The following GRK7 variants were observed in gnomAD, a reference collection of about 807,000 sequenced individuals.
The protein encoded by GRK7 is rhodopsin kinase GRK7.
A neutral mutation model predicts 34.1 loss-of-function variants in GRK7; 24 were observed. The observed-to-expected ratio is 0.70, with a 90% CI of 0.51 to 0.99. The LOEUF (loss-of-function observed/expected upper bound fraction) is 0.99. Among genes scored for constraint, GRK7 ranks in the 50% least tolerant of loss-of-function variants. The pLI is 0.00. For synonymous variants in GRK7, 256 were observed against 279.4 expected, an observed-to-expected ratio of 0.92 and a Z score of 0.84; for missense variants, 644 against 707.3, an observed-to-expected ratio of 0.91 and a Z score of 1.02.
rs1192902302 is a variant in GRK7 at position 141,818,909 on chromosome 3, G to A, written c.*1859G>A. 6.6e-6 allele frequency among the ~76,000 whole-genome samples: 1 copy of A among 152,164 alleles called. No homozygotes were observed. Among genetic ancestry groups the A allele is most frequent in the Non-Finnish European group, 1.5e-5 (1 of 68,022 alleles). On this transcript the variant is annotated 3_prime_UTR_variant, in exon 6 of 6. Transcript: ENST00000682958. The stretch of plus-strand genomic sequence containing the variant: ...AAGAAGAAGCCCTCTGAGAGTTGAG[G>A]CCTCGGCCGGTGCACCTGCGGCTCA...
chr3:141,782,737 G>A (rs1045320664), intron 4 of GRK7, among the ~76,000 whole-genome samples: 2 of 151,686 alleles, frequency 1.3e-5, no homozygotes, highest in Non-Finnish European at 2.9e-5. Context: ...CCCAGGAGGC[G>A]GAGCTTGCAG....
chr3:141,763,979 T>A lies in GRK7; in HGVS notation c.-1974T>A, dbSNP rs1247149536. On this transcript the variant is annotated 5_prime_UTR_variant, in exon 1 of 6. It removes an upstream start codon present in the reference 5' UTR. Transcript: ENST00000682958. ...CCTCATCCAACTGGACCTGGCAACA[T>A]GCAAGACGTCTTCATTTCTCTTCAT... 6.6e-6 allele frequency among the ~76,000 whole-genome samples: 1 copy of A among 152,182 alleles called. No individual in the cohort carries two copies. The highest frequency in any genetic ancestry group is 1.5e-5 in the Non-Finnish European group (1 of 68,032).
rs187928240 is a variant in GRK7 at position 141,774,499 on chromosome 3, C to T, written c.-214-81C>T. ...AGACCTTCAAGAAGTTCATAGCATA[C>T]ATGTTCACCAGTGAAAGCATGTTTT... On this transcript the variant is annotated intron_variant, in intron 1 of 5. Transcript: ENST00000682958. 6.0e-3 allele frequency among the ~76,000 whole-genome samples: 917 copies of T among 152,198 alleles called. 9 individuals carry two copies. The highest frequency in any genetic ancestry group is 0.014 in the Middle Eastern group (4 of 294).
At position 141,817,872 on chromosome 3, in the gene GRK7, G is replaced by A. The variant is rs1230163417; in HGVS notation, c.*822G>A. On this transcript the variant is annotated 3_prime_UTR_variant, in exon 6 of 6. Transcript: ENST00000682958. The stretch of plus-strand genomic sequence containing the variant: ...CCACTCCCAGGTATGAGAACAGCTT[G>A]ACCATTTAGAATTTCAGAAGCTCCC... 6.6e-6 allele frequency: 1 copy of A among 152,164 alleles called. No individual in the cohort carries two copies. The highest frequency in any genetic ancestry group is 1.5e-5 in the Non-Finnish European group (1 of 68,024). 9.4% of individuals were successfully genotyped at this position (152,164 alleles called of 1,614,324 possible). A position where few individuals can be genotyped will look rare whatever the true frequency, so the allele number is the denominator to read the frequency against.
chr3:141,769,262 C>T lies in GRK7; in HGVS notation c.-215+3524C>T, dbSNP rs150322479. Reference sequence around the variant, plus strand: ...TCTCCTAAGCCTGGATTCACCCCTTCATCTCCTTCTACCTCACCCTCCATA... The same window carrying T: ...TCTCCTAAGCCTGGATTCACCCCTTTATCTCCTTCTACCTCACCCTCCATA... On this transcript the variant is annotated intron_variant, in intron 1 of 5. Transcript: ENST00000682958. Among the ~76,000 whole-genome samples, 229 of 152,278 alleles carry T rather than the reference C, an allele frequency of 1.5e-3. 1 individual carries two copies. The highest frequency in any genetic ancestry group is 5.3e-3 in the African/African-American group (221 of 41,558).
At position 141,778,680 on chromosome 3, in the gene GRK7, C is replaced by T. The variant is rs1248068785; in HGVS notation, c.396C>T (p.Thr132=). 6.2e-7 allele frequency: 1 copy of T among 1,613,680 alleles called. No individual in the cohort carries two copies. Among genetic ancestry groups the T allele is most frequent in the South Asian group, 1.1e-5 (1 of 90,946 alleles). The change falls in exon 3 of 6, where the codon ACC becomes ACT. Residue 132 remains threonine, a synonymous_variant. Transcript: ENST00000682958. The surrounding 1 kb of genome is among the most constrained non-coding windows in gnomAD (Gnocchi z 4.1). ...PQPFLSQAVA[T]KCQAATTEEE... is the part of the protein sequence containing the mutation. ...CCTTCCTCAGCCAGGCCGTGGCCAC[C>T]AAGTGCCAAGCAGCCACCACTGAGG...
chr3:141,754,972 T>TA, the GRK7 span, among the ~76,000 whole-genome samples: 3 of 152,208 alleles, frequency 2.0e-5, no homozygotes, highest in African/African-American at 7.2e-5. Flanking sequence ...GGATAGTCCT[T>TA]AAATAAAAGT....
At chr3:141,810,792 C>G (rs956314873) in intron 5 of GRK7, among the ~76,000 whole-genome samples, 3 of 152,106 alleles carry the variant, frequency 2.0e-5, no homozygotes, top group African/African-American at 7.2e-5. Flanking sequence ...TTGGGTCCTG[C>G]CTACGGGTAA....
At chr3:141,756,328 GT>G in the GRK7 span, among the ~76,000 whole-genome samples, 5 of 95,920 alleles carry the variant, frequency 5.2e-5, no homozygotes, top group East Asian at 3.3e-4. Context: ...AAAAAAAAAG[GT>G]GGGGGGGTGA....
chr3:141,817,635 T>A lies in GRK7; in HGVS notation c.*585T>A, dbSNP rs13085196. On this transcript the variant is annotated 3_prime_UTR_variant, in exon 6 of 6. Transcript: ENST00000682958. ...ATTTTGTGGAAATAATTTACTATCA[T>A]AATGTTGAAGCATTTTAAACATAAA... is the stretch of plus-strand genomic sequence containing the variant. 0.1 allele frequency: 15,678 copies of A among 152,248 alleles called. 870 individuals are homozygous for A. The highest frequency in any genetic ancestry group is 0.13 in the Non-Finnish European group (9,067 of 68,036). The allele number at this position is 152,248 out of a possible 1,614,324, so 9.4% of individuals were successfully genotyped here. A position where few individuals can be genotyped will look rare whatever the true frequency, so the allele number is the denominator to read the frequency against.
At chr3:141,776,124 C>T (rs1042578681) in intron 2 of GRK7, among the ~76,000 whole-genome samples, 1 of 151,490 alleles carries the variant, frequency 6.6e-6, no homozygotes, top group South Asian at 2.1e-4. Context: ...CTCTACTAAA[C>T]AAAATACAAA....
chr3:141,777,322 CTTTTTTTT>C (rs770173065), intron 2 of GRK7, among the ~76,000 whole-genome samples: 6 of 52,876 alleles, frequency 1.1e-4, no homozygotes, highest in Admixed American at 2.6e-4. Flanking sequence ...GATGGCCCCT[CTTTTTTTT>C]TTTTTTTTTT....
chr3:141,760,642 A>G (rs1457561755), upstream of GRK7, among the ~76,000 whole-genome samples: 2 of 151,738 alleles, frequency 1.3e-5, no homozygotes, highest in Non-Finnish European at 2.9e-5. Flanking sequence ...TGCTTGGTAC[A>G]GAGCTGAGTT....
chr3:141,786,965 T>G (rs983227031), intron 4 of GRK7, among the ~76,000 whole-genome samples: 12 of 151,994 alleles, frequency 7.9e-5, no homozygotes, highest in African/African-American at 2.9e-4. Context: ...AGGAGCAAGG[T>G]GTGTAGGTGG....
chr3:141,763,829 C>T lies in GRK7; in HGVS notation c.-2124C>T, dbSNP rs2084567994. ...TTCTGAAACTTGTCCTCTGTGCCCT[C>T]CAATATTTACACCAACAAAATTTCC... On this transcript the variant is annotated 5_prime_UTR_variant, in exon 1 of 6. Coordinates refer to ENST00000682958, the MANE Select transcript of GRK7 (RefSeq NM_139209.3). Among the ~76,000 whole-genome samples the T allele has an allele frequency of 6.6e-6, 1 of 152,152 alleles. No individual in the cohort carries two copies. Among genetic ancestry groups the T allele is most frequent in the African/African-American group, 2.4e-5 (1 of 41,450 alleles).
chr3:141,787,073 T>C (rs1048986184), intron 4 of GRK7, among the ~76,000 whole-genome samples: 3 of 152,102 alleles, frequency 2.0e-5, no homozygotes, highest in Non-Finnish European at 4.4e-5. Context: ...CATCACCACA[T>C]ACACTTGGAA....
intron 4 of GRK7, among the ~76,000 whole-genome samples, chr3:141,794,948 C>A (rs1175577282): frequency 6.6e-6 from 1 of 152,090 alleles, no homozygotes; most frequent in Non-Finnish European, 1.5e-5. Flanking sequence ...GGGAACCAGG[C>A]AAACAAATGC....
At chr3:141,754,861 A>G in the GRK7 span, among the ~76,000 whole-genome samples, 2 of 152,182 alleles carry the variant, frequency 1.3e-5, no homozygotes, top group African/African-American at 4.8e-5. Context: ...TTTATCTCTG[A>G]TATGACATCT....
At position 141,817,087 on chromosome 3, in the gene GRK7, G is replaced by A. The variant is rs768262235; in HGVS notation, c.*37G>A. On this transcript the variant is annotated 3_prime_UTR_variant, in exon 6 of 6. Transcript: ENST00000682958. ...TACCAGACAGGCAGCAGGAGTCTCG[G>A]CTGACATAATCCTCGAATGTTCCAC... is the stretch of plus-strand genomic sequence containing the variant. 13 of 1,466,240 alleles carry A rather than the reference G, an allele frequency of 8.9e-6. No homozygotes were observed. The Admixed American group carries it at 2.5e-4, about 29-fold the overall frequency. The allele number at this position is 1,466,240 out of a possible 1,614,324, so 90.8% of individuals were successfully genotyped here.
Sources: allele counts gnomAD v4.1 joint callset (sites outside exome capture counted in the v4.1 genomes callset), GRCh38; gene constraint gnomAD v4.1.1; non-coding constraint Gnocchi (gnomAD v3.1); transcripts MANE v1.5; gene names NCBI Gene and HGNC (gene_info 2026-07-23, HGNC 2026-07-21).